The following MROH2B variants were observed in gnomAD, a reference collection of about 807,000 sequenced individuals.
MROH2B encodes maestro heat-like repeat-containing protein family member 2B.
MROH2B carries 177 observed loss-of-function variants against 208.6 expected under a neutral mutation model. The ratio of observed to expected loss-of-function variants is 0.85; its 90% CI spans 0.75 to 0.96. The LOEUF (loss-of-function observed/expected upper bound fraction) is 0.96, where lower values mean the gene tolerates loss of function less well. MROH2B is among the 40% of genes least tolerant of loss of function. The probability of loss-of-function intolerance (pLI) is 0.00; values close to 1 mark genes in which losing one functional copy is unlikely to be tolerated. For missense variants in MROH2B, 2,002 were observed against 1,878.7 expected, an observed-to-expected ratio of 1.07 and a Z score of -1.21; for synonymous variants, 728 against 659.0, an observed-to-expected ratio of 1.10 and a Z score of -1.60.
At chr5:41,058,246 T>C (rs1429529844) in intron 6 of MROH2B, 43 bp from the exon 7 acceptor site, 4 of 1,444,646 alleles carry the variant, frequency 2.8e-6, no homozygotes, top group Non-Finnish European at 3.7e-6. Context: ...AACTTCCTTA[T>C]GTTTTTCATA....
rs2111872905 is a variant in MROH2B, at chr5:41,018,878, C to T, written c.2577+5G>A. On this transcript the variant is annotated splice_donor_5th_base_variant and intron_variant, in intron 25 of 41. Coordinates refer to ENST00000399564, the MANE Select transcript of MROH2B (RefSeq NM_173489.5). ...TCATCCTACTTAGGCCTCACTAGTG[C>T]ATACTTGAATGTGCTCCTTGTCCTT... 1 of 1,613,886 alleles carries T rather than the reference C, an allele frequency of 6.2e-7. No individual in the cohort carries two copies. Among genetic ancestry groups the T allele is most frequent in the East Asian group, 2.2e-5 (1 of 44,870 alleles).
At chr5:41,059,665 A>C (rs540856139) in intron 6 of MROH2B, among the ~76,000 whole-genome samples, 1 of 152,254 alleles carries the variant, frequency 6.6e-6, no homozygotes, top group East Asian at 1.9e-4. Context: ...TCAGGACTAC[A>C]TCTTTGCTTC....
chr5:41,009,340 G>A lies in MROH2B; in HGVS notation c.3360C>T (p.Ala1120=). The change falls in exon 32 of 42, where the codon GCC becomes GCT. Residue 1120 remains alanine (A), a synonymous_variant. Coordinates refer to ENST00000399564, the MANE Select transcript of MROH2B (RefSeq NM_173489.5). ...ACTCAGTCTCCAGTTTGTCTATTAA[G>A]GCTTGCAAGAGTTTCCCACTGGAGG... ...KPASSGKLLQ[A]LIDKLETELE... 3.7e-6 allele frequency: 6 copies of A among 1,613,914 alleles called. No individual in the cohort carries two copies. The highest frequency in any genetic ancestry group is 5.1e-6 in the Non-Finnish European group (6 of 1,179,824).
intron 17 of MROH2B, 76 bp downstream of exon 17, chr5:41,047,644 TC>T: frequency 7.8e-7 from 1 of 1,283,326 alleles, no homozygotes; most frequent in East Asian, 2.5e-5. Context: ...GGAATCTAGT[TC>T]CTTTAATTTA....
At position 41,015,337 on chromosome 5, in the gene MROH2B, C is replaced by A. The variant is rs774478531; in HGVS notation, c.2982+44G>T. The stretch of plus-strand genomic sequence containing the variant: ...GTATGTAGCTTACTCATTTGGAAAT[C>A]AATCCAGAATCTTTACATCCCCTGG... On this transcript the variant is annotated intron_variant, in intron 29 of 41. Transcript: ENST00000399564. The A allele has an allele frequency of 1.7e-5, 26 of 1,546,560 alleles. No individual in the cohort carries two copies. The East Asian group carries it at 5.8e-4, about 35-fold the overall frequency.
At position 41,000,808 on chromosome 5, in the gene MROH2B, G is replaced by A. The variant is rs1741374095; in HGVS notation, c.4220C>T (p.Ala1407Val). 6.2e-7 allele frequency: 1 copy of A among 1,611,308 alleles called. No homozygotes were observed. Residue 1407 changes from alanine (A) to valine (V), a missense_variant, in exon 38 of 42, where the codon GCC becomes GTC. Ala to Val is a moderately conservative substitution (Grantham distance 64). Transcript: ENST00000399564. ...EDEQDDVRLT[A>V]IFLFEDLAPL... ...TGCCAGGTCCTCAAATAAGAAGATG[G>A]CAGTCAATCTCACATCATCCTGCTC...
rs755679526 is a variant in MROH2B, at chr5:41,061,560, G to T, written c.615+10C>A. 35 of 1,599,954 alleles carry T rather than the reference G, an allele frequency of 2.2e-5. 1 individual carries two copies. In the East Asian group the frequency reaches 7.2e-4, roughly 33 times the overall value. ...GACATCCAGCTTGAGGCATCCTGAG[G>T]CCCACTCACCTGCATGGGTGAGGCC... On this transcript the variant is annotated intron_variant, in intron 6 of 41. Transcript: ENST00000399564.
At chr5:41,051,111 G>T in intron 12 of MROH2B, 21 bp from the exon 13 acceptor site, 1 of 1,487,590 alleles carries the variant, frequency 6.7e-7, no homozygotes, top group Non-Finnish European at 8.9e-7. Context: ...GATCAAACAG[G>T]TGACTTGTTA....
chr5:41,034,228 A>C (rs1742679087), intron 21 of MROH2B, among the ~76,000 whole-genome samples: 1 of 152,172 alleles, frequency 6.6e-6, no homozygotes, highest in South Asian at 2.1e-4. Context: ...CTATAAAATG[A>C]AAAGTCAAAG....
At chr5:41,037,289 C>T (rs1050760478) in intron 21 of MROH2B, among the ~76,000 whole-genome samples, 1 of 152,152 alleles carries the variant, frequency 6.6e-6, no homozygotes, top group Non-Finnish European at 1.5e-5. Context: ...TCACTATGTT[C>T]AGGCTGGTCT....
intron 24 of MROH2B, among the ~76,000 whole-genome samples, chr5:41,026,204 A>G (rs1484368733): frequency 1.3e-5 from 2 of 152,176 alleles, no homozygotes; most frequent in African/African-American, 2.4e-5. Context: ...GGCAGGAGAA[A>G]GAAATAAAGG....
intron 24 of MROH2B, among the ~76,000 whole-genome samples, chr5:41,030,985 A>G (rs910287736): frequency 2.0e-5 from 3 of 152,154 alleles, no homozygotes; most frequent in Admixed American, 6.6e-5. Context: ...GGAACTATGT[A>G]AGGTGAAGTT....
intron 39 of MROH2B, 52 bp from the exon 40 acceptor site, chr5:40,999,831 AC>A: frequency 6.5e-7 from 1 of 1,547,782 alleles, no homozygotes; most frequent in South Asian, 1.1e-5. Context: ...AACCTTTGTG[AC>A]ATTTGGCATC....
intron 37 of MROH2B, among the ~76,000 whole-genome samples, chr5:41,001,058 T>G (rs2111787883): frequency 6.6e-6 from 1 of 152,290 alleles, no homozygotes; most frequent in Admixed American, 6.5e-5. Context: ...GTCTGGGGTT[T>G]ATGTGATGCC....
At position 41,008,612 on chromosome 5, in the gene MROH2B, G is replaced by A. The variant is rs778847874; in HGVS notation, c.3602C>T (p.Pro1201Leu). 3.7e-6 allele frequency: 6 copies of A among 1,613,518 alleles called. No homozygotes were observed. Among genetic ancestry groups the A allele is most frequent in the Non-Finnish European group, 5.1e-6 (6 of 1,179,708 alleles). Residue 1201 changes from proline to leucine, a missense_variant, in exon 33 of 42, where the codon CCC (proline) becomes CTC (leucine). By Grantham distance (98) the Pro-to-Leu change is moderately conservative (BLOSUM62 -3). Transcript: ENST00000399564. ...QQGEQQQIPD[P>L]CRLSTATLKC... ...TTCCTGATTGGCCGTTTACCTGCAG[G>A]GGTCTGGGATCTGCTGCTGTTCTCC...
chr5:41,033,197 A>G (rs1166476730), intron 22 of MROH2B, 37 bp from the exon 23 acceptor site: 1 of 1,607,966 alleles, frequency 6.2e-7, no homozygotes, highest in South Asian at 1.1e-5. Context: ...GTCAAGGTCT[A>G]AGACACCACA....
In MROH2B at chr5:41,032,296, T is replaced by C. The variant is rs144608349; in HGVS notation, c.2441+446A>G. Among the ~76,000 whole-genome samples the C allele has an allele frequency of 4.9e-3, 743 of 152,258 alleles. 4 individuals are homozygous for C. Among genetic ancestry groups the C allele is most frequent in the African/African-American group, 0.015 (615 of 41,568 alleles). ...ATGAGATGCTATCTTATTGTGGTTT[T>C]AACTTCTATTTCTTTTACTGCAGGG... On this transcript the variant is annotated intron_variant, in intron 24 of 41. Transcript: ENST00000399564.
chr5:41,055,750 T>A lies in MROH2B; in HGVS notation c.1025A>T (p.Asn342Ile). The A allele has an allele frequency of 6.2e-7, 1 of 1,613,366 alleles. No individual in the cohort carries two copies. Among genetic ancestry groups the A allele is most frequent in the Non-Finnish European group, 8.5e-7 (1 of 1,179,412 alleles). ...TCAACCCTCTTGCTTACCATCAGCA[T>A]TGACAGCCAATCTTAACAAAGTCAA... is the stretch of plus-strand genomic sequence containing the variant. ...GILTLLRLAVNADEPRLRDHI... is the reference protein window; with the variant it reads ...GILTLLRLAVIADEPRLRDHI... The change falls in exon 10 of 42, where the codon AAT becomes ATT. Residue 342 changes from asparagine to isoleucine, a missense_variant. Coordinates refer to ENST00000399564, the MANE Select transcript of MROH2B (RefSeq NM_173489.5).
intron 21 of MROH2B, among the ~76,000 whole-genome samples, chr5:41,034,548 A>G (rs1013731515): frequency 6.6e-6 from 1 of 152,086 alleles, no homozygotes; most frequent in African/African-American, 2.4e-5. Context: ...ATTTCAGATA[A>G]CCCTTACCAT....
Sources: gnomAD v4.1 joint callset for allele counts (sites outside exome capture counted in the v4.1 genomes callset) on GRCh38, gnomAD v4.1.1 for gene constraint, MANE v1.5 for transcripts, NCBI Gene and HGNC (gene_info 2026-07-23, HGNC 2026-07-21) for gene names.